The following SLC71A2 variants were observed in gnomAD, a reference collection of about 807,000 sequenced individuals.
SLC71A2 encodes solute carrier family 71 member 2.
the SLC71A2 span, among the ~76,000 whole-genome samples, chr9:94,416,532 A>G: frequency 6.6e-6 from 1 of 152,224 alleles, no homozygotes; most frequent in South Asian, 2.1e-4. Context: ...TGAACCTTTT[A>G]AAGTTTTTAA....
At chr9:94,430,996 G>A in the SLC71A2 span, among the ~76,000 whole-genome samples, 7 of 151,830 alleles carry the variant, frequency 4.6e-5, no homozygotes, top group South Asian at 2.1e-4. Context: ...ATAATTATAC[G>A]TTGTACTGAA....
At chr9:94,388,836 A>G in the SLC71A2 span, among the ~76,000 whole-genome samples, 1 of 152,232 alleles carries the variant, frequency 6.6e-6, no homozygotes, top group Non-Finnish European at 1.5e-5. Flanking sequence ...AAAGAAAAAA[A>G]TAAAAAGACC....
chr9:94,445,304 G>GA, the SLC71A2 span: 22 of 779,042 alleles, frequency 2.8e-5, no homozygotes, highest in Non-Finnish European at 3.4e-5. Flanking sequence ...AGTAAAAATA[G>GA]AAAAAATTAA....
the SLC71A2 span, among the ~76,000 whole-genome samples, chr9:94,400,022 G>A: frequency 7.2e-5 from 11 of 152,000 alleles, no homozygotes; most frequent in Non-Finnish European, 1.6e-4. Flanking sequence ...TGTTGGCCAG[G>A]CTGGTCTCAA....
chr9:94,447,615 A>G, the SLC71A2 span, among the ~76,000 whole-genome samples: 4 of 152,148 alleles, frequency 2.6e-5, no homozygotes, highest in Admixed American at 2.6e-4. Context: ...TCCACTATCA[A>G]CATCTCCCAC....
the SLC71A2 span, among the ~76,000 whole-genome samples, chr9:94,379,209 C>T: frequency 1.3e-5 from 2 of 151,306 alleles, no homozygotes; most frequent in East Asian, 3.9e-4. Context: ...GCCTCAGCCT[C>T]CCATGTAGCT....
At chr9:94,458,430 G>A in the SLC71A2 span, 2 of 1,614,024 alleles carry the variant, frequency 1.2e-6, no homozygotes. Context: ...ACTGAGTTGG[G>A]CCCGAAATTG....
the SLC71A2 span, among the ~76,000 whole-genome samples, chr9:94,446,204 T>C: frequency 6.6e-6 from 1 of 152,278 alleles, no homozygotes; most frequent in African/African-American, 2.4e-5. Context: ...TATGGTCTGA[T>C]GAGCTAGAAG....
chr9:94,384,662 G>A, the SLC71A2 span, among the ~76,000 whole-genome samples: 1 of 152,068 alleles, frequency 6.6e-6, no homozygotes, highest in African/African-American at 2.4e-5. Flanking sequence ...TTTAAATTGG[G>A]TCATTTGCGT....
the SLC71A2 span, among the ~76,000 whole-genome samples, chr9:94,441,723 C>T: frequency 6.6e-6 from 1 of 151,740 alleles, no homozygotes; most frequent in Non-Finnish European, 1.5e-5. Context: ...GTGTTTTGGA[C>T]ATACATTTGG....
At chr9:94,380,081 C>T in the SLC71A2 span, among the ~76,000 whole-genome samples, 1 of 152,122 alleles carries the variant, frequency 6.6e-6, no homozygotes, top group Non-Finnish European at 1.5e-5. Context: ...TCCTGGCTGA[C>T]GCGGTGAAAC....
At chr9:94,404,330 C>T in the SLC71A2 span, among the ~76,000 whole-genome samples, 7 of 151,724 alleles carry the variant, frequency 4.6e-5, no homozygotes, top group Non-Finnish European at 1.0e-4. Flanking sequence ...GATTTTTGGT[C>T]TGTCTCTTAG....
the SLC71A2 span, among the ~76,000 whole-genome samples, chr9:94,409,597 A>G: frequency 6.6e-6 from 1 of 152,192 alleles, no homozygotes; most frequent in Non-Finnish European, 1.5e-5. Context: ...TTTTATAACC[A>G]CACATCTACA....
chr9:94,455,047 A>T, the SLC71A2 span, among the ~76,000 whole-genome samples: 3 of 152,202 alleles, frequency 2.0e-5, no homozygotes, highest in East Asian at 5.8e-4. Context: ...CAAACAGACA[A>T]CATAATTTAG....
the SLC71A2 span, among the ~76,000 whole-genome samples, chr9:94,396,473 C>A: frequency 6.6e-6 from 1 of 152,190 alleles, no homozygotes; most frequent in Admixed American, 6.5e-5. Flanking sequence ...TGAGATTGCA[C>A]CATTGCACTT....
chr9:94,377,070 G>A, the SLC71A2 span, among the ~76,000 whole-genome samples: 2 of 144,782 alleles, frequency 1.4e-5, no homozygotes, highest in South Asian at 2.3e-4. Context: ...TAGATAGTGA[G>A]AAGGCTAGCA....
the SLC71A2 span, among the ~76,000 whole-genome samples, chr9:94,436,824 A>G: frequency 6.6e-6 from 1 of 152,206 alleles, no homozygotes; most frequent in African/African-American, 2.4e-5. Flanking sequence ...TTTTCTCTGA[A>G]AAGTTCTATT....
chr9:94,405,560 T>TG, the SLC71A2 span, among the ~76,000 whole-genome samples: 1 of 151,206 alleles, frequency 6.6e-6, no homozygotes, highest in African/African-American at 2.4e-5. Context: ...CTTGAACTCC[T>TG]GGGCTCAAGT....
At chr9:94,429,437 TG>T in the SLC71A2 span, among the ~76,000 whole-genome samples, 5 of 152,182 alleles carry the variant, frequency 3.3e-5, no homozygotes, top group South Asian at 8.3e-4. Context: ...AGGCATAGAA[TG>T]GTTTACTGGC....
Sources: gnomAD v4.1 joint callset for allele counts (sites outside exome capture counted in the v4.1 genomes callset) on GRCh38, gnomAD v4.1.1 for gene constraint, MANE v1.5 for transcripts, NCBI Gene and HGNC (gene_info 2026-07-23, HGNC 2026-07-21) for gene names.